Variants in CSDC2 observed in about 807,000 individuals in gnomAD.
The protein encoded by CSDC2 is cold shock domain-containing protein C2.
Under a neutral mutation model 15.8 loss-of-function variants are expected in CSDC2, and 8 were observed. That is an observed-to-expected ratio of 0.51 (90% confidence interval 0.30 to 0.92). The LOEUF (loss-of-function observed/expected upper bound fraction) is 0.92. Ranked by LOEUF, CSDC2 falls within the 40% of genes least tolerant of loss-of-function variation. The pLI is 0.07. For synonymous variants in CSDC2, 96 were observed against 92.3 expected, an observed-to-expected ratio of 1.04 and a Z score of -0.23; for missense variants, 195 against 213.3, an observed-to-expected ratio of 0.91 and a Z score of 0.53.
At position 41,562,187 on chromosome 22, in the gene CSDC2, T is replaced by G. The variant is rs1179866798; in HGVS notation, c.-124+1004T>G. Among the ~76,000 whole-genome samples, 4 of 151,978 alleles carry G rather than the reference T, an allele frequency of 2.6e-5. No individual in the cohort carries two copies. The East Asian group carries it at 7.8e-4, about 29-fold the overall frequency. The stretch of plus-strand genomic sequence containing the variant: ...CTGGCATCATGCTGCCTGGCTGTGA[T>G]CCGGCAGGGGCCTCTCCCTGGGAAA... On this transcript the variant is annotated intron_variant, in intron 1 of 3. Coordinates refer to ENST00000306149, the MANE Select transcript of CSDC2 (RefSeq NM_014460.4).
rs2067147830 is a variant in CSDC2, at chr22:41,572,051, G to T, written c.86G>T (p.Arg29Met). ...GTCTGGCCCACCTTCCCCTTCCACA[G>T]GGAGGGCAGCAGGGTCTGGGAGCGG... is the stretch of plus-strand genomic sequence containing the variant. ...SPVWPTFPFH[R>M]EGSRVWERGG... is the part of the protein sequence containing the mutation. Residue 29 changes from arginine to methionine, a missense_variant, in exon 2 of 4, where the codon AGG (arginine) becomes ATG (methionine). Arg to Met is a moderately conservative substitution (Grantham distance 91). Coordinates refer to ENST00000306149, the MANE Select transcript of CSDC2 (RefSeq NM_014460.4). The T allele has an allele frequency of 7.3e-7, 1 of 1,363,112 alleles. No homozygotes were observed. 84.4% of individuals were successfully genotyped at this position (1,363,112 alleles called of 1,614,324 possible). A position where few individuals can be genotyped will look rare whatever the true frequency, so the allele number is the denominator to read the frequency against.
intron 1 of CSDC2, among the ~76,000 whole-genome samples, chr22:41,563,823 G>A (rs140413410): frequency 0.01 from 1,594 of 152,000 alleles, 13 homozygotes; most frequent in Non-Finnish European, 0.016. Flanking sequence ...TGTAATCCCA[G>A]CACTTTGGGA....
At chr22:41,572,192 T>C in intron 2 of CSDC2, 51 bp downstream of exon 2, 1 of 1,255,340 alleles carries the variant, frequency 8.0e-7, no homozygotes, top group South Asian at 3.8e-5. Context: ...GGACAGGGGC[T>C]GACCATCCCC....
chr22:41,573,557 C>A, intron 2 of CSDC2, 98 bp from the exon 3 acceptor site: 1 of 1,435,790 alleles, frequency 7.0e-7, no homozygotes. Context: ...TTTCTCACAG[C>A]CCTGAGGCAC....
intron 1 of CSDC2, among the ~76,000 whole-genome samples, chr22:41,564,786 AG>A (rs770889658): frequency 9.2e-5 from 14 of 152,366 alleles, no homozygotes; most frequent in Middle Eastern, 3.4e-3. Context: ...AGAGAGGAGC[AG>A]GTGCCTGCCC....
intron 2 of CSDC2, 47 bp from the exon 3 acceptor site, chr22:41,573,608 G>T: frequency 1.3e-6 from 2 of 1,578,348 alleles, no homozygotes; most frequent in Non-Finnish European, 1.7e-6. Flanking sequence ...GGGATCCGGG[G>T]AGGAGTTCCT....
Position 41,573,788 on chromosome 22 carries a change from T to G in CSDC2, c.299+11T>G. On this transcript the variant is annotated intron_variant, in intron 3 of 3. Transcript: ENST00000306149. Reference sequence around the variant, plus strand: ...CGTACATGTGTCTGAGTGAGTCCCCTCCACCTCCCTGTTCTTGGCCCCTGC... The same window carrying G: ...CGTACATGTGTCTGAGTGAGTCCCCGCCACCTCCCTGTTCTTGGCCCCTGC... The G allele has an allele frequency of 2.5e-6, 4 of 1,608,250 alleles. No homozygotes were observed. Among genetic ancestry groups the G allele is most frequent in the Non-Finnish European group, 3.4e-6 (4 of 1,176,222 alleles).
intron 1 of CSDC2, among the ~76,000 whole-genome samples, chr22:41,568,898 C>A (rs957445878): frequency 6.6e-6 from 1 of 152,254 alleles, no homozygotes; most frequent in African/African-American, 2.4e-5. Flanking sequence ...GGCCCTGGAG[C>A]CGCACAGTCA....
At chr22:41,571,817 C>A in intron 1 of CSDC2, 26 bp from the exon 2 acceptor site, 1 of 458,156 alleles carries the variant, frequency 2.2e-6, no homozygotes, top group Non-Finnish European at 3.7e-6. Flanking sequence ...ACTAGGCTCA[C>A]CTGTGCCTCT....
At chr22:41,564,335 C>A (rs1360270453) in intron 1 of CSDC2, among the ~76,000 whole-genome samples, 1 of 151,964 alleles carries the variant, frequency 6.6e-6, no homozygotes, top group Non-Finnish European at 1.5e-5. Context: ...TCTCGGCTCA[C>A]TGCAAGCTCC....
chr22:41,571,759 G>A (rs984746784), intron 1 of CSDC2, 84 bp from the exon 2 acceptor site: 7 of 396,808 alleles, frequency 1.8e-5, no homozygotes, highest in African/African-American at 1.2e-4. Flanking sequence ...ATAGCAGGTG[G>A]GACCAGCCCT....
At chr22:41,573,847 C>T in intron 3 of CSDC2, 70 bp downstream of exon 3, 1 of 1,533,526 alleles carries the variant, frequency 6.5e-7, no homozygotes, top group Non-Finnish European at 8.9e-7. Context: ...AAAAATGGCT[C>T]TCCAGGCCTC....
chr22:41,567,571 G>A (rs540311478), intron 1 of CSDC2, among the ~76,000 whole-genome samples: 3 of 152,312 alleles, frequency 2.0e-5, no homozygotes, highest in East Asian at 3.9e-4. Flanking sequence ...CTGGTCTCTC[G>A]GGCTGCTGGG....
intron 1 of CSDC2, among the ~76,000 whole-genome samples, chr22:41,565,306 C>T (rs563396563): frequency 3.4e-5 from 5 of 149,064 alleles, no homozygotes; most frequent in East Asian, 4.0e-4. Context: ...AAAAATTAAT[C>T]GGGTGTGGTG....
chr22:41,575,859 T>C lies in CSDC2; in HGVS notation c.*964T>C, dbSNP rs967622468. 6.6e-6 allele frequency: 1 copy of C among 152,310 alleles called. No homozygotes were observed. The highest frequency in any genetic ancestry group is 1.5e-5 in the Non-Finnish European group (1 of 68,104). The allele number at this position is 152,310 out of a possible 1,614,324, so 9.4% of individuals were successfully genotyped here. On this transcript the variant is annotated 3_prime_UTR_variant, in exon 4 of 4. Transcript: ENST00000306149. ...TCTTCCCAAAGCCCTAACAGACCAG[T>C]GGCCGAGGTGTGGCTCTTATTGCAT...
intron 1 of CSDC2, among the ~76,000 whole-genome samples, chr22:41,569,048 C>G (rs2066705722): frequency 1.3e-5 from 2 of 152,258 alleles, no homozygotes; most frequent in African/African-American, 4.8e-5. Flanking sequence ...CTGGCTGTCA[C>G]TGCCAAGCAC....
intron 1 of CSDC2, among the ~76,000 whole-genome samples, chr22:41,565,179 C>T (rs1012200547): frequency 6.8e-6 from 1 of 146,038 alleles, no homozygotes; most frequent in African/African-American, 2.6e-5. Flanking sequence ...AGGATGGGTG[C>T]GGTGGTTTAC....
chr22:41,574,659 C>T (rs762319387), intron 3 of CSDC2, 74 bp from the exon 4 acceptor site: 75 of 1,550,820 alleles, frequency 4.8e-5, no homozygotes, highest in Non-Finnish European at 6.2e-5. Context: ...CAGGCTGCCC[C>T]CAAGGCCAGG....
rs1396342924 is a variant in CSDC2 at position 41,573,689 on chromosome 22, G to C, written c.211G>C (p.Gly71Arg). ...GGCCTCAGCTGGCCCCGTGTTCAAG[G>C]GCGTCTGTAAGCAGTTCTCACGCTC... ...ARASAGPVFKGVCKQFSRSQG... is the reference protein window; with the variant it reads ...ARASAGPVFKRVCKQFSRSQG... The change falls in exon 3 of 4, where the codon GGC becomes CGC. Residue 71 changes from glycine to arginine, a missense_variant. Transcript: ENST00000306149. 6.2e-7 allele frequency: 1 copy of C among 1,613,632 alleles called. No individual in the cohort carries two copies. The highest frequency in any genetic ancestry group is 1.7e-5 in the Admixed American group (1 of 60,006).
Sources: gnomAD v4.1 joint callset for allele counts (sites outside exome capture counted in the v4.1 genomes callset) on GRCh38, gnomAD v4.1.1 for gene constraint, MANE v1.5 for transcripts, NCBI Gene and HGNC (gene_info 2026-07-23, HGNC 2026-07-21) for gene names.